The following PIKFYVE variants were observed in gnomAD, a reference collection of about 807,000 sequenced individuals.
The protein encoded by PIKFYVE is 1-phosphatidylinositol 3-phosphate 5-kinase.
PIKFYVE carries 122 observed loss-of-function variants against 257.9 expected under a neutral mutation model. The observed-to-expected ratio is 0.47, with a 90% CI of 0.41 to 0.55. The LOEUF is 0.55. Among genes scored for constraint, PIKFYVE ranks in the 20% least tolerant of loss-of-function variants. The pLI is 0.00. For synonymous variants in PIKFYVE, 892 were observed against 868.9 expected (o/e 1.03, Z -0.47); for missense variants, 2,160 against 2,536.6 (o/e 0.85, Z 3.19).
intron 22 of PIKFYVE, among the ~76,000 whole-genome samples, 164 bp from the exon 23 acceptor site, chr2:208,330,359 A>G (rs1379435807): frequency 6.6e-6 from 1 of 152,250 alleles, no homozygotes; most frequent in African/African-American, 2.4e-5. Flanking sequence ...GTGCTTAACA[A>G]ATGGAAACTA....
chr2:208,333,624 G>A (rs1457859677), intron 24 of PIKFYVE, 131 bp downstream of exon 24: 3 of 949,564 alleles, frequency 3.2e-6, no homozygotes, highest in East Asian at 5.2e-5. Context: ...TAAATGCAGA[G>A]GACCAGACTG....
chr2:208,330,705 C>G lies in PIKFYVE; in HGVS notation c.3963+11C>G. 1 of 1,608,788 alleles carries G rather than the reference C, an allele frequency of 6.2e-7. No individual in the cohort carries two copies. The highest frequency in any genetic ancestry group is 1.3e-5 in the African/African-American group (1 of 74,608). On this transcript the variant is annotated intron_variant, in intron 23 of 41. Transcript: ENST00000264380. ...AGAATCTGCAAACAGGTAAATAGAC[C>G]CTATTACTATATTTTGTTTGCCATT...
intron 40 of PIKFYVE, among the ~76,000 whole-genome samples, 191 bp downstream of exon 40, chr2:208,354,350 T>C (rs1700025981): frequency 6.6e-6 from 1 of 152,212 alleles, no homozygotes; most frequent in Non-Finnish European, 1.5e-5. Flanking sequence ...CTACCAAAAA[T>C]ATGTGAATTA....
At chr2:208,313,581 ATT>A (rs35491714) in intron 13 of PIKFYVE, among the ~76,000 whole-genome samples, 2,650 of 127,650 alleles carry the variant, frequency 0.021, 28 homozygotes, top group Middle Eastern at 0.037. Context: ...TCAGTTTGTG[ATT>A]TTTTTTTTTT....
rs750035512 is a variant in PIKFYVE, at chr2:208,335,895, G to T, written c.4359G>T (p.Gln1453His). The change falls in exon 26 of 42, where the codon CAG becomes CAT. Residue 1453 changes from glutamine to histidine, a missense_variant. By Grantham distance (24) the Gln-to-His change is conservative (BLOSUM62 0). Around this residue, in one of 12 missense-constraint regions of PIKFYVE, gnomAD observed 699 missense variants for 855.8 expected, o/e 0.82. Coordinates refer to ENST00000264380, the MANE Select transcript of PIKFYVE (RefSeq NM_015040.4). Reference sequence around the variant, plus strand: ...AAAAAATGGAAGATATTTTTGCACAGAAAGAGGTAATTTATTTCTTTGGTA... The same window carrying T: ...AAAAAATGGAAGATATTTTTGCACATAAAGAGGTAATTTATTTCTTTGGTA... ...REEKMEDIFA[Q>H]KEMEEGEFKN... 2.5e-6 allele frequency: 4 copies of T among 1,606,012 alleles called. No individual in the cohort carries two copies. The Admixed American group carries it at 6.7e-5, about 27-fold the overall frequency.
In PIKFYVE at chr2:208,329,931, C is replaced by G. The variant is rs1209874149; in HGVS notation, c.3791+18C>G. On this transcript the variant is annotated intron_variant, in intron 22 of 41. Transcript: ENST00000264380. ...TGTTTCAGGTAAGAACATATTTCTT[C>G]CTTCTGTTCCATTACACATTTTTGA... 2.4e-5 allele frequency: 38 copies of G among 1,608,430 alleles called. No individual in the cohort carries two copies. Among genetic ancestry groups the G allele is most frequent in the Non-Finnish European group, 3.2e-5 (38 of 1,176,556 alleles).
At chr2:208,345,952 AGT>A (rs1699185257) in intron 33 of PIKFYVE, 96 bp from the exon 34 acceptor site, 1 of 818,862 alleles carries the variant, frequency 1.2e-6, no homozygotes, top group Non-Finnish European at 2.1e-6. Context: ...TTAGGTAGGA[AGT>A]AAATCAGTGT....
intron 41 of PIKFYVE, 89 bp from the exon 42 acceptor site, chr2:208,355,101 G>T: frequency 4.0e-6 from 4 of 1,005,288 alleles, no homozygotes; most frequent in East Asian, 2.5e-5. Context: ...CTTTATGGCA[G>T]TTTATATGAA....
intron 30 of PIKFYVE, 115 bp from the exon 31 acceptor site, chr2:208,339,896 T>G (rs1250300589): frequency 8.2e-7 from 1 of 1,223,648 alleles, no homozygotes; most frequent in Non-Finnish European, 1.2e-6. Context: ...TTTAAACTGT[T>G]ATTGGTATAG....
intron 34 of PIKFYVE, among the ~76,000 whole-genome samples, chr2:208,347,082 A>G (rs1278527414): frequency 1.3e-5 from 2 of 152,124 alleles, no homozygotes; most frequent in African/African-American, 4.8e-5. Context: ...ACACATAGTT[A>G]CACACCCCAC....
intron 9 of PIKFYVE, 70 bp from the exon 10 acceptor site, chr2:208,302,172 G>A: frequency 7.7e-7 from 1 of 1,295,972 alleles, no homozygotes; most frequent in Non-Finnish European, 1.1e-6. Context: ...TTTTAAGGTT[G>A]TGTCTTATCT....
intron 22 of PIKFYVE, 50 bp downstream of exon 22, chr2:208,329,963 A>G (rs745361287): frequency 6.9e-6 from 11 of 1,598,086 alleles, no homozygotes; most frequent in Middle Eastern, 1.7e-4. Context: ...TTGATGCTCA[A>G]AATTTCAAGC....
Position 208,304,932 on chromosome 2 carries a change from G to T in PIKFYVE, c.1555G>T (p.Val519Leu), listed in dbSNP as rs149566519. The change falls in exon 12 of 42, where the codon GTG becomes TTG. Residue 519 changes from valine (V) to leucine (L), a missense_variant. Transcript: ENST00000264380. ...CTCAGCCGCTTCTATCAGCCTGAAC[G>T]TGGAGCTGGACAACGTGAACTTCCA... ...SDSAASISLN[V>L]ELDNVNFHIK... 2.5e-6 allele frequency: 4 copies of T among 1,613,968 alleles called. No homozygotes were observed. In the Admixed American group the frequency reaches 5.0e-5, roughly 20 times the overall value.
chr2:208,296,250 C>G (rs1046779277), intron 7 of PIKFYVE, among the ~76,000 whole-genome samples: 1 of 152,172 alleles, frequency 6.6e-6, no homozygotes, highest in Non-Finnish European at 1.5e-5. Flanking sequence ...GGTGATCCAC[C>G]TGCCTCGGCC....
At position 208,283,766 on chromosome 2, in the gene PIKFYVE, T is replaced by C. The variant is rs1223779927; in HGVS notation, c.614-1960T>C. Among the ~76,000 whole-genome samples the C allele has an allele frequency of 2.0e-5, 3 of 151,046 alleles. No homozygotes were observed. The East Asian group carries it at 5.9e-4, about 29-fold the overall frequency. On this transcript the variant is annotated intron_variant, in intron 5 of 41. Transcript: ENST00000264380. ...GCCCTGGCTAGTTTTGTATTTTTTATTGATGTGGGGTCTCACCATGTAGCC... is the reference window on the plus strand; with the variant it reads ...GCCCTGGCTAGTTTTGTATTTTTTACTGATGTGGGGTCTCACCATGTAGCC...
In PIKFYVE at chr2:208,352,710, T is replaced by A. The variant is rs766303553; in HGVS notation, c.5772T>A (p.Ser1924=). ...TTTACAGAATTGGTTATAAGAACTC[T>A]CAGAACAACACTGAGAAGAAGTTAG... ...LGVYRIGYKN[S]QNNTEKKLDL... The change falls in exon 39 of 42, where the codon TCT becomes TCA. Residue 1924 remains serine (S), a synonymous_variant. Coordinates refer to ENST00000264380, the MANE Select transcript of PIKFYVE (RefSeq NM_015040.4). 1 of 1,613,840 alleles carries A rather than the reference T, an allele frequency of 6.2e-7. No homozygotes were observed. Among genetic ancestry groups the A allele is most frequent in the Non-Finnish European group, 8.5e-7 (1 of 1,179,826 alleles).
At chr2:208,284,665 A>G (rs1691306277) in intron 5 of PIKFYVE, among the ~76,000 whole-genome samples, 1 of 151,976 alleles carries the variant, frequency 6.6e-6, no homozygotes, top group Admixed American at 6.6e-5. Context: ...TTTGGAGGGT[A>G]CTCTTCAGGG....
At chr2:208,281,651 A>T (rs905033863) in intron 5 of PIKFYVE, among the ~76,000 whole-genome samples, 2 of 152,188 alleles carry the variant, frequency 1.3e-5, no homozygotes, top group African/African-American at 4.8e-5. Context: ...AACTCAGGGG[A>T]GGTCATTACA....
chr2:208,311,449 TG>T (rs1209623802), intron 12 of PIKFYVE, among the ~76,000 whole-genome samples: 1 of 152,188 alleles, frequency 6.6e-6, no homozygotes, highest in African/African-American at 2.4e-5. Context: ...GAGAAAATTT[TG>T]TGGAGATCCT....
Sources: gnomAD v4.1 joint callset for allele counts (sites outside exome capture counted in the v4.1 genomes callset) on GRCh38, gnomAD v4.1.1 for gene constraint, gnomAD v4.1.1 regional missense constraint, MANE v1.5 for transcripts, NCBI Gene and HGNC (gene_info 2026-07-23, HGNC 2026-07-21) for gene names.